IGF2BP2: variants seen among roughly 807,000 people sequenced by gnomAD.
IGF2BP2 encodes the protein insulin like growth factor 2 mRNA binding protein 2.
IGF2BP2 carries 17 observed loss-of-function variants against 75.8 expected under a neutral mutation model. The ratio of observed to expected loss-of-function variants is 0.22; its 90% CI spans 0.15 to 0.34. The LOEUF is 0.34. Among genes scored for constraint, IGF2BP2 ranks in the 10% least tolerant of loss-of-function variants. The pLI is 1.00. For synonymous variants in IGF2BP2, 288 were observed against 295.6 expected (o/e 0.97, Z 0.26); for missense variants, 516 against 772.4 (o/e 0.67, Z 3.93).
Position 185,817,877 on chromosome 3 carries a change from C to A in IGF2BP2, c.239+5276G>T, listed in dbSNP as rs576719134. Among the ~76,000 whole-genome samples, 3 of 152,290 alleles carry A rather than the reference C, an allele frequency of 2.0e-5. No homozygotes were observed. In the South Asian group the frequency reaches 6.2e-4, roughly 32 times the overall value. On this transcript the variant is annotated intron_variant, in intron 2 of 15. Coordinates refer to ENST00000382199, the MANE Select transcript of IGF2BP2 (RefSeq NM_006548.6). ...GTTTTGTTAAACAGAACACTCCCAT[C>A]TCTCAATTTAAGAAGTTAATCATAG... is the stretch of plus-strand genomic sequence containing the variant.
chr3:185,684,107 T>C (rs1436885903), intron 7 of IGF2BP2, among the ~76,000 whole-genome samples: 1 of 152,226 alleles, frequency 6.6e-6, no homozygotes, highest in Non-Finnish European at 1.5e-5. Context: ...AATGTAACTT[T>C]CAGAGGATGG....
At chr3:185,788,710 CTTTTTTTTTTTTT>C (rs1158869748) in intron 2 of IGF2BP2, among the ~76,000 whole-genome samples, 2 of 100,246 alleles carry the variant, frequency 2.0e-5, no homozygotes, top group Admixed American at 1.1e-4. Flanking sequence ...TGACAAACGA[CTTTTTTTTTTTTT>C]TTTTTTTTTT....
At chr3:185,776,627 G>C (rs1734569868) in intron 2 of IGF2BP2, among the ~76,000 whole-genome samples, 1 of 152,158 alleles carries the variant, frequency 6.6e-6, no homozygotes, top group Non-Finnish European at 1.5e-5. Context: ...TCCAGGGTGA[G>C]GGCGGAGATA....
At chr3:185,751,124 A>T (rs1395669417) in intron 2 of IGF2BP2, among the ~76,000 whole-genome samples, 1 of 152,224 alleles carries the variant, frequency 6.6e-6, no homozygotes, top group Non-Finnish European at 1.5e-5. Flanking sequence ...AAGGCACAAG[A>T]ACCACTTGAA....
In IGF2BP2 at chr3:185,658,345, T is replaced by A; in HGVS notation, c.1265A>T (p.His422Leu). Residue 422 changes from histidine to leucine, a missense_variant, in exon 11 of 16, where the codon CAC (histidine) becomes CTC (leucine). This residue lies in a region of IGF2BP2 where 75 missense variants were observed against 67.4 expected (regional missense o/e 1.11). Transcript: ENST00000382199. ...CTGAACTGAGGGGGCACTTACAGAG[T>A]GATGATGCGGGAACGGGCCAAACTG... is the stretch of plus-strand genomic sequence containing the variant. ...HHQFGPFPHH[H>L]SYPEQEIVNL... The A allele has an allele frequency of 6.2e-7, 1 of 1,612,698 alleles. No homozygotes were observed. Among genetic ancestry groups the A allele is most frequent in the Non-Finnish European group, 8.5e-7 (1 of 1,179,510 alleles).
intron 14 of IGF2BP2, among the ~76,000 whole-genome samples, chr3:185,648,864 A>C (rs1403930514): frequency 6.6e-6 from 1 of 152,216 alleles, no homozygotes; most frequent in East Asian, 1.9e-4. Context: ...TGTTTGGGAA[A>C]CAGCCAGAAG....
At chr3:185,723,310 C>T (rs1310199954) in intron 2 of IGF2BP2, among the ~76,000 whole-genome samples, 1 of 152,194 alleles carries the variant, frequency 6.6e-6, no homozygotes, top group African/African-American at 2.4e-5. Flanking sequence ...GAACTCACTG[C>T]TTGGGTCCAC....
chr3:185,648,940 G>A (rs553289737), intron 14 of IGF2BP2, among the ~76,000 whole-genome samples: 1 of 152,220 alleles, frequency 6.6e-6, no homozygotes, highest in South Asian at 2.1e-4. Context: ...AGTCAGAAGA[G>A]AGTGCAGGGC....
chr3:185,671,500 G>C (rs553631708), intron 10 of IGF2BP2, among the ~76,000 whole-genome samples: 1 of 142,384 alleles, frequency 7.0e-6, no homozygotes, highest in African/African-American at 2.7e-5. Flanking sequence ...TCGCGCCACT[G>C]CACTCCAGCC....
intron 2 of IGF2BP2, among the ~76,000 whole-genome samples, chr3:185,814,298 G>A (rs1410103760): frequency 1.3e-5 from 2 of 151,990 alleles, no homozygotes; most frequent in South Asian, 2.1e-4. Flanking sequence ...AAATAAAGGG[G>A]CACAAAACAT....
chr3:185,799,782 A>T (rs1369934678), intron 2 of IGF2BP2, among the ~76,000 whole-genome samples: 1 of 151,908 alleles, frequency 6.6e-6, no homozygotes. Flanking sequence ...GAAACAACAG[A>T]TGCTGGAGAG....
At chr3:185,649,853 T>C (rs1212341722) in intron 13 of IGF2BP2, among the ~76,000 whole-genome samples, 1 of 152,224 alleles carries the variant, frequency 6.6e-6, no homozygotes, top group Non-Finnish European at 1.5e-5. Flanking sequence ...CTATGTCTTA[T>C]TTCCATATTA....
At chr3:185,796,733 T>G (rs1364263349) in intron 2 of IGF2BP2, among the ~76,000 whole-genome samples, 3 of 152,082 alleles carry the variant, frequency 2.0e-5, no homozygotes, top group Non-Finnish European at 4.4e-5. Context: ...ACCTGTATAC[T>G]CTGAGTCACG....
At chr3:185,754,648 GAT>G (rs112130968) in intron 2 of IGF2BP2, among the ~76,000 whole-genome samples, 3,545 of 152,286 alleles carry the variant, frequency 0.023, 69 homozygotes, top group Middle Eastern at 0.054. Context: ...TGCTGATAGA[GAT>G]ATGGACAGTG....
At chr3:185,822,803 GGAAGTCTTGA>G (rs1174061274) in intron 2 of IGF2BP2, among the ~76,000 whole-genome samples, 1 of 151,686 alleles carries the variant, frequency 6.6e-6, no homozygotes, top group African/African-American at 2.4e-5. Context: ...ACATCTCACA[GGAAGTCTTGA>G]CAAGCATTTG....
intron 12 of IGF2BP2, among the ~76,000 whole-genome samples, chr3:185,656,539 T>C (rs1350564228): frequency 2.6e-5 from 4 of 152,278 alleles, no homozygotes; most frequent in Non-Finnish European, 5.9e-5. Context: ...GGTTGTCCCA[T>C]GGTAGCAAAT....
intron 2 of IGF2BP2, among the ~76,000 whole-genome samples, chr3:185,732,566 C>A (rs892005985): frequency 6.6e-6 from 1 of 152,142 alleles, no homozygotes; most frequent in Non-Finnish European, 1.5e-5. Context: ...CTTGCCCAGC[C>A]CCCAACATAC....
intron 2 of IGF2BP2, among the ~76,000 whole-genome samples, chr3:185,702,467 T>C (rs930422795): frequency 2.0e-5 from 3 of 152,206 alleles, no homozygotes; most frequent in Non-Finnish European, 4.4e-5. Flanking sequence ...AGGAAAGTGA[T>C]TGGTAATAGG....
At chr3:185,739,430 G>T (rs557312587) in intron 2 of IGF2BP2, among the ~76,000 whole-genome samples, 4 of 152,226 alleles carry the variant, frequency 2.6e-5, no homozygotes, top group African/African-American at 9.6e-5. Context: ...AAATTGTGCC[G>T]TATGGCTCAA....
Sources: gnomAD v4.1 joint callset for allele counts (sites outside exome capture counted in the v4.1 genomes callset) on GRCh38, gnomAD v4.1.1 for gene constraint, gnomAD v4.1.1 regional missense constraint, MANE v1.5 for transcripts, NCBI Gene and HGNC (gene_info 2026-07-23, HGNC 2026-07-21) for gene names.